Variants in FUT8 observed in about 807,000 individuals in gnomAD.
The protein encoded by FUT8 is fucosyltransferase 8, also known as alpha-(1,6)-fucosyltransferase.
Under a neutral mutation model 71.3 loss-of-function variants are expected in FUT8, and 29 were observed. That is an observed-to-expected ratio of 0.41 (90% CI 0.30 to 0.55). The LOEUF is 0.55. Among genes scored for constraint, FUT8 ranks in the 20% least tolerant of loss-of-function variants. The probability of loss-of-function intolerance (pLI) is 0.34; values close to 1 mark genes in which losing one functional copy is unlikely to be tolerated. For synonymous variants in FUT8, 254 were observed against 239.3 expected (o/e 1.06, Z -0.57); for missense variants, 544 against 702.1 (o/e 0.77, Z 2.55).
At chr14:65,471,939 G>A (rs761825677) in intron 2 of FUT8, among the ~76,000 whole-genome samples, 2 of 152,094 alleles carry the variant, frequency 1.3e-5, no homozygotes, top group African/African-American at 2.4e-5. Context: ...CTGACATCAG[G>A]TCTGCACATT....
intron 2 of FUT8, among the ~76,000 whole-genome samples, chr14:65,542,826 A>G (rs776637250): frequency 1.3e-5 from 2 of 152,068 alleles, no homozygotes; most frequent in Non-Finnish European, 2.9e-5. Context: ...CTTGTTGCCC[A>G]GGCTGGAGTG....
At chr14:65,515,625 C>G (rs976349769) in intron 2 of FUT8, among the ~76,000 whole-genome samples, 3 of 151,964 alleles carry the variant, frequency 2.0e-5, no homozygotes, top group Non-Finnish European at 4.4e-5. Flanking sequence ...AGTCAGGACT[C>G]ACAAACAAAT....
At chr14:65,440,632 AT>A (rs1566748680) in intron 1 of FUT8, among the ~76,000 whole-genome samples, 2 of 151,892 alleles carry the variant, frequency 1.3e-5, no homozygotes, top group African/African-American at 4.9e-5. Context: ...TGTAACTTCT[AT>A]TTGCCAATTA....
intron 2 of FUT8, among the ~76,000 whole-genome samples, chr14:65,465,549 A>G (rs78273756): frequency 0.014 from 2,061 of 152,308 alleles, 42 homozygotes; most frequent in East Asian, 0.092. Context: ...TTTTTGATCT[A>G]CGAGTTATTT....
intron 2 of FUT8, among the ~76,000 whole-genome samples, chr14:65,509,281 G>A (rs969631833): frequency 6.6e-6 from 1 of 151,926 alleles, no homozygotes; most frequent in African/African-American, 2.4e-5. Flanking sequence ...TGTTCTGTGT[G>A]CCTGTTTTTA....
chr14:65,485,162 C>T (rs1396287507), intron 2 of FUT8, among the ~76,000 whole-genome samples: 1 of 151,092 alleles, frequency 6.6e-6, no homozygotes, highest in Non-Finnish European at 1.5e-5. Flanking sequence ...CATAGTAATA[C>T]TTCGTCTCTA....
intron 2 of FUT8, among the ~76,000 whole-genome samples, chr14:65,526,713 T>C (rs1189131232): frequency 6.6e-6 from 1 of 152,232 alleles, no homozygotes; most frequent in Non-Finnish European, 1.5e-5. Flanking sequence ...GTTATTCCTT[T>C]CCATGTTTAG....
At position 65,550,531 on chromosome 14, in the gene FUT8, T is replaced by G. The variant is rs943715863; in HGVS notation, c.-227-10806T>G. On this transcript the variant is annotated intron_variant, in intron 2 of 10. Coordinates refer to ENST00000673929, the MANE Select transcript of FUT8 (RefSeq NM_001371533.1). The surrounding 1 kb of genome is among the most constrained non-coding windows in gnomAD (Gnocchi z 4.5). ...CTCAGAGTGGTTTCTACTGAATATA[T>G]ATTGCTTTTATACCATCATAAAGTT... 5.3e-5 allele frequency among the ~76,000 whole-genome samples: 8 copies of G among 152,204 alleles called. No homozygotes were observed. Among genetic ancestry groups the G allele is most frequent in the Non-Finnish European group, 1.0e-4 (7 of 68,026 alleles).
intron 2 of FUT8, among the ~76,000 whole-genome samples, chr14:65,509,844 T>A (rs1231050737): frequency 1.3e-5 from 2 of 152,194 alleles, no homozygotes; most frequent in Non-Finnish European, 1.5e-5. Flanking sequence ...GTGGATTTTT[T>A]ATGTTTTTCC....
rs750942912 is a variant in FUT8 at position 65,510,309 on chromosome 14, G to A, written c.-227-51028G>A. Among the ~76,000 whole-genome samples, 10 of 152,190 alleles carry A rather than the reference G, an allele frequency of 6.6e-5. No individual in the cohort carries two copies. In the South Asian group the frequency reaches 1.5e-3, roughly 22 times the overall value. On this transcript the variant is annotated intron_variant, in intron 2 of 10. Transcript: ENST00000673929. ...GGTCATGATGAATGATCTTTTTAAT[G>A]TGTTGTTGAGTTCAATTTGGTAGTA... is the stretch of plus-strand genomic sequence containing the variant.
chr14:65,739,895 G>A (rs1896407887), intron 10 of FUT8, among the ~76,000 whole-genome samples: 1 of 151,960 alleles, frequency 6.6e-6, no homozygotes, highest in African/African-American at 2.4e-5. Flanking sequence ...GAATTTTATG[G>A]GGATGCTGAA....
intron 7 of FUT8, among the ~76,000 whole-genome samples, chr14:65,680,223 G>T (rs1892971994): frequency 6.6e-6 from 1 of 152,226 alleles, no homozygotes; most frequent in Non-Finnish European, 1.5e-5. Context: ...ATGGTGTAAT[G>T]ATTCCAGTTC....
rs560559293 is a variant in FUT8 at position 65,505,755 on chromosome 14, CT to C, written c.-228+50045del. Among the ~76,000 whole-genome samples, 843 of 151,916 alleles carry C rather than the reference CT, an allele frequency of 5.5e-3. 6 individuals carry two copies. Among genetic ancestry groups the C allele is most frequent in the African/African-American group, 0.019 (798 of 41,436 alleles). ...ATCATCCATCTTCATTCTCATTTGA[CT>C]TTTTTTTGCTATATTTTTTTTCTAG... On this transcript the variant is annotated intron_variant, in intron 2 of 10. Transcript: ENST00000673929.
chr14:65,611,904 G>A (rs1889020614), intron 3 of FUT8, among the ~76,000 whole-genome samples: 1 of 152,032 alleles, frequency 6.6e-6, no homozygotes, highest in Non-Finnish European at 1.5e-5. Context: ...CAGGTGATCT[G>A]CCTGCCTCAG....
intron 1 of FUT8, among the ~76,000 whole-genome samples, chr14:65,432,381 T>C (rs1365875045): frequency 6.9e-6 from 1 of 145,124 alleles, no homozygotes; most frequent in African/African-American, 2.5e-5. Flanking sequence ...AAAATGTATT[T>C]TTTCTACTTT....
intron 3 of FUT8, among the ~76,000 whole-genome samples, chr14:65,614,490 G>A (rs2140216787): frequency 6.6e-6 from 1 of 152,250 alleles, no homozygotes; most frequent in East Asian, 1.9e-4. Flanking sequence ...AAGAGTTTTG[G>A]AGGCCAGAGA....
At chr14:65,545,400 T>A (rs538190639) in intron 2 of FUT8, among the ~76,000 whole-genome samples, 2 of 152,008 alleles carry the variant, frequency 1.3e-5, no homozygotes, top group African/African-American at 4.8e-5. Context: ...ATAATTAGCT[T>A]TTCTTTAAAA....
intron 3 of FUT8, among the ~76,000 whole-genome samples, chr14:65,590,288 T>A (rs544855338): frequency 6.6e-6 from 1 of 152,350 alleles, no homozygotes; most frequent in East Asian, 1.9e-4. Context: ...GTCTTTGGAA[T>A]TAGAAACTTT....
chr14:65,724,320 C>T lies in FUT8; in HGVS notation c.1256C>T (p.Thr419Ile). Residue 419 changes from threonine (T) to isoleucine (I), a missense_variant, in exon 9 of 11, where the codon ACA becomes ATA. Transcript: ENST00000673929. ...DDPSLLKEAK[T>I]KYPNYEFISD... is the part of the protein sequence containing the mutation. The stretch of plus-strand genomic sequence containing the variant: ...CCTTCTTTATTAAAGGAGGCAAAAA[C>T]AAAGTAAGTTAGACCAACTAGTGAT... The T allele has an allele frequency of 6.3e-7, 1 of 1,598,210 alleles. No homozygotes were observed. The highest frequency in any genetic ancestry group is 1.1e-5 in the South Asian group (1 of 88,036).
Sources: gnomAD v4.1 joint callset for allele counts (sites outside exome capture counted in the v4.1 genomes callset) on GRCh38, gnomAD v4.1.1 for gene constraint, Gnocchi (gnomAD v3.1) non-coding constraint, MANE v1.5 for transcripts, NCBI Gene and HGNC (gene_info 2026-07-23, HGNC 2026-07-21) for gene names.